DCAF1: variants seen among roughly 807,000 people sequenced by gnomAD.
DCAF1 encodes DDB1 and CUL4 associated factor 1.
DCAF1 carries 15 observed loss-of-function variants against 128.0 expected under a neutral mutation model. That is an observed-to-expected ratio of 0.12 (90% confidence interval 0.08 to 0.18). The LOEUF (loss-of-function observed/expected upper bound fraction) is 0.18, where lower values mean the gene tolerates loss of function less well. Ranked by LOEUF, DCAF1 falls within the 10% of genes least tolerant of loss-of-function variation. The pLI is 1.00. For synonymous variants in DCAF1, 610 were observed against 603.0 expected (o/e 1.01, Z -0.17); for missense variants, 988 against 1,649.5 (o/e 0.60, Z 6.95).
chr3:51,413,892 A>T, intron 20 of DCAF1, 58 bp downstream of exon 20: 1 of 1,374,906 alleles, frequency 7.3e-7, no homozygotes, highest in Non-Finnish European at 9.5e-7. Context: ...AGAAGTATCA[A>T]ATTAAGTGAA....
chr3:51,454,555 G>A (rs1702688069), intron 6 of DCAF1, among the ~76,000 whole-genome samples: 1 of 151,524 alleles, frequency 6.6e-6, no homozygotes, highest in Admixed American at 6.6e-5. Flanking sequence ...TAGAGACAGG[G>A]TTTTGCCATG....
downstream of DCAF1, chr3:51,396,829 T>C (rs1235371662): frequency 1.2e-5 from 2 of 167,142 alleles, no homozygotes; most frequent in Non-Finnish European, 2.9e-5. Context: ...TAGAATATAG[T>C]GCTTTCACTA....
chr3:51,440,759 A>T (rs1013051059), intron 9 of DCAF1, among the ~76,000 whole-genome samples: 1 of 152,096 alleles, frequency 6.6e-6, no homozygotes, highest in Non-Finnish European at 1.5e-5. Flanking sequence ...TATAAAAATC[A>T]GCCATGCACG....
chr3:51,443,666 A>G, intron 7 of DCAF1, 100 bp downstream of exon 7: 1 of 1,086,932 alleles, frequency 9.2e-7, no homozygotes, highest in Non-Finnish European at 1.2e-6. Flanking sequence ...ATGCTCCAGT[A>G]CAAGATAATC....
chr3:51,436,489 C>A, intron 9 of DCAF1: 1 of 509,234 alleles, frequency 2.0e-6, no homozygotes, highest in South Asian at 1.4e-5. Context: ...TTCTTTCTTG[C>A]TAGTAATTTT....
intron 9 of DCAF1, among the ~76,000 whole-genome samples, chr3:51,440,448 A>AT (rs1334243076): frequency 5.9e-5 from 9 of 152,004 alleles, no homozygotes; most frequent in African/African-American, 1.2e-4. Flanking sequence ...CTCTATAAAA[A>AT]TTTTTTTTAA....
chr3:51,414,011 A>G lies in DCAF1; in HGVS notation c.3870T>C (p.Thr1290=). 6.2e-7 allele frequency: 1 copy of G among 1,604,324 alleles called. No individual in the cohort carries two copies. Residue 1290 remains threonine, a synonymous_variant, in exon 20 of 25, where the codon ACT becomes ACC. Coordinates refer to ENST00000684031, the MANE Select transcript of DCAF1 (RefSeq NM_001387579.1). ...CGCGACACTGATCCAGAGCGGGAACAGTATGCAAAAGATGAAAAGTTCGAA... is the reference window on the plus strand; with the variant it reads ...CGCGACACTGATCCAGAGCGGGAACGGTATGCAAAAGATGAAAAGTTCGAA... ...WDLRTFHLLH[T]VPALDQCRVV...
Position 51,422,833 on chromosome 3 carries a change from G to A in DCAF1, c.1848-402C>T, listed in dbSNP as rs186124213. Among the ~76,000 whole-genome samples, 8 of 152,250 alleles carry A rather than the reference G, an allele frequency of 5.3e-5. No homozygotes were observed. In the East Asian group the frequency reaches 1.2e-3, roughly 22 times the overall value. The stretch of plus-strand genomic sequence containing the variant: ...AATCCCAACACTTTAGGAGGCCAAG[G>A]TGGGAGGATCACTTGAACCCAGGAG... On this transcript the variant is annotated intron_variant, in intron 13 of 24. Coordinates refer to ENST00000684031, the MANE Select transcript of DCAF1 (RefSeq NM_001387579.1).
intron 9 of DCAF1, among the ~76,000 whole-genome samples, chr3:51,437,160 G>T (rs1052669786): frequency 1.3e-5 from 2 of 150,516 alleles, no homozygotes; most frequent in Admixed American, 1.3e-4. Flanking sequence ...CTACTTGGGA[G>T]CCTGAGACAG....
chr3:51,439,555 C>T (rs930182496), intron 9 of DCAF1, among the ~76,000 whole-genome samples: 2 of 151,574 alleles, frequency 1.3e-5, no homozygotes, highest in Non-Finnish European at 2.9e-5. Context: ...GATTCTCCCA[C>T]CTCAGCCTCC....
chr3:51,430,934 C>T (rs978428654), intron 10 of DCAF1, among the ~76,000 whole-genome samples: 7 of 152,172 alleles, frequency 4.6e-5, no homozygotes, highest in Non-Finnish European at 1.0e-4. Flanking sequence ...AAGAGCTTTG[C>T]TTTCCTAGGG....
At chr3:51,425,721 C>A (rs554957539) in intron 13 of DCAF1, among the ~76,000 whole-genome samples, 2 of 151,760 alleles carry the variant, frequency 1.3e-5, no homozygotes, top group Non-Finnish European at 2.9e-5. Context: ...CGGCAACACA[C>A]CAGGCTAATT....
upstream of DCAF1, among the ~76,000 whole-genome samples, chr3:51,501,400 C>G (rs1553664239): frequency 6.6e-6 from 1 of 152,160 alleles, no homozygotes; most frequent in Non-Finnish European, 1.5e-5. Flanking sequence ...ACATGACCCA[C>G]AGTTGAGCAG....
intron 2 of DCAF1, among the ~76,000 whole-genome samples, chr3:51,489,614 G>A (rs1346521806): frequency 2.6e-5 from 4 of 151,704 alleles, no homozygotes; most frequent in South Asian, 2.1e-4. Context: ...TGGTGAAACC[G>A]CATCTCTACT....
intron 3 of DCAF1, among the ~76,000 whole-genome samples, chr3:51,473,482 C>T (rs2108255595): frequency 9.2e-6 from 1 of 109,222 alleles, no homozygotes; most frequent in South Asian, 3.3e-4. Flanking sequence ...CAGAATGAGA[C>T]TCCATCTCAA....
intron 4 of DCAF1, among the ~76,000 whole-genome samples, chr3:51,469,584 T>C (rs880001531): frequency 1.3e-5 from 2 of 152,092 alleles, no homozygotes; most frequent in Admixed American, 1.3e-4. Flanking sequence ...AGCTTATATG[T>C]ACTATGGGCC....
chr3:51,489,431 TC>T (rs1707360825), intron 2 of DCAF1, among the ~76,000 whole-genome samples: 1 of 151,656 alleles, frequency 6.6e-6, no homozygotes, highest in African/African-American at 2.4e-5. Flanking sequence ...TGAGACTCTG[TC>T]TCAAAAAACA....
At chr3:51,486,476 G>C (rs1441425193) in intron 2 of DCAF1, among the ~76,000 whole-genome samples, 4 of 151,400 alleles carry the variant, frequency 2.6e-5, no homozygotes, top group South Asian at 2.1e-4. Context: ...CAACAGGTGT[G>C]AGCCACCACA....
chr3:51,504,279 G>T (rs1005076669), upstream of DCAF1, among the ~76,000 whole-genome samples: 1 of 151,250 alleles, frequency 6.6e-6, no homozygotes, highest in Non-Finnish European at 1.5e-5. Flanking sequence ...CCCGTGATCC[G>T]CCCGCCTCTG....
Sources: gnomAD v4.1 joint callset for allele counts (sites outside exome capture counted in the v4.1 genomes callset) on GRCh38, gnomAD v4.1.1 for gene constraint, MANE v1.5 for transcripts, NCBI Gene and HGNC (gene_info 2026-07-23, HGNC 2026-07-21) for gene names.